Variants in FRMD4A observed in about 807,000 individuals in gnomAD.
The protein encoded by FRMD4A is FERM domain containing 4A.
A neutral mutation model predicts 129.1 loss-of-function variants in FRMD4A; 29 were observed. That is an observed-to-expected ratio of 0.22 (90% CI 0.17 to 0.31). The LOEUF is 0.31. Among genes scored for constraint, FRMD4A ranks in the 10% least tolerant of loss-of-function variants. FRMD4A has a pLI of 1.00. For synonymous variants in FRMD4A, 634 were observed against 571.6 expected (o/e 1.11, Z -1.56); for missense variants, 1,272 against 1,375.8 (o/e 0.92, Z 1.19).
At chr10:13,969,215 G>A (rs1041117811) in intron 2 of FRMD4A, among the ~76,000 whole-genome samples, 2 of 152,192 alleles carry the variant, frequency 1.3e-5, no homozygotes, top group Non-Finnish European at 2.9e-5. Context: ...GTTTAGACTT[G>A]CCATCCTGGC....
chr10:13,980,816 G>A (rs903793777), intron 2 of FRMD4A, among the ~76,000 whole-genome samples: 2 of 152,116 alleles, frequency 1.3e-5, no homozygotes, highest in East Asian at 3.8e-4. Context: ...CCAGACCAAC[G>A]ATAGTAGAAA....
intron 2 of FRMD4A, among the ~76,000 whole-genome samples, chr10:14,216,195 C>T (rs546035515): frequency 6.6e-6 from 1 of 152,264 alleles, no homozygotes; most frequent in East Asian, 1.9e-4. Context: ...TGTGACTCAC[C>T]CCATCCTCAC....
At chr10:13,803,597 C>T (rs966861230) in intron 4 of FRMD4A, among the ~76,000 whole-genome samples, 4 of 152,084 alleles carry the variant, frequency 2.6e-5, no homozygotes, top group Admixed American at 6.6e-5. Flanking sequence ...CTCAGCCTCC[C>T]AAAGCACTGG....
At chr10:13,679,560 T>C (rs1271370048) in intron 15 of FRMD4A, among the ~76,000 whole-genome samples, 2 of 142,914 alleles carry the variant, frequency 1.4e-5, no homozygotes, top group Admixed American at 1.4e-4. Context: ...AGCTAGGTCT[T>C]TGGGGCAGCT....
At chr10:13,845,482 T>C (rs959165414) in intron 3 of FRMD4A, among the ~76,000 whole-genome samples, 1 of 152,204 alleles carries the variant, frequency 6.6e-6, no homozygotes, top group African/African-American at 2.4e-5. Flanking sequence ...TTAGGGATAA[T>C]AGCACCATAA....
intron 2 of FRMD4A, among the ~76,000 whole-genome samples, chr10:14,265,674 A>C (rs28645432): frequency 0.11 from 17,216 of 152,260 alleles, 1,097 homozygotes; most frequent in African/African-American, 0.18. Context: ...CCCATGTATC[A>C]ACATGAGAAG....
chr10:14,114,327 G>C (rs1056736931), intron 2 of FRMD4A, among the ~76,000 whole-genome samples: 1 of 152,118 alleles, frequency 6.6e-6, no homozygotes, highest in African/African-American at 2.4e-5. Context: ...TGAGCCAGCT[G>C]GGGTCCCAGG....
At chr10:13,769,243 A>C (rs1031940652) in intron 6 of FRMD4A, among the ~76,000 whole-genome samples, 1 of 145,000 alleles carries the variant, frequency 6.9e-6, no homozygotes. Flanking sequence ...GTGTGTGCGT[A>C]TGTGTGTGTA....
rs75913254 is a variant in FRMD4A at position 14,173,947 on chromosome 10, C to T, written c.45+156111G>A. On this transcript the variant is annotated intron_variant, in intron 2 of 24. Coordinates refer to ENST00000357447, the MANE Select transcript of FRMD4A (RefSeq NM_018027.5). ...GACAAAAGCTCCGTGAGCCTCCTCCCATGCACAGAGCCTTTTCTGTCCCTC... is the reference window on the plus strand; with the variant it reads ...GACAAAAGCTCCGTGAGCCTCCTCCTATGCACAGAGCCTTTTCTGTCCCTC... Among the ~76,000 whole-genome samples, 1,168 of 152,134 alleles carry T rather than the reference C, an allele frequency of 7.7e-3. 4 individuals carry two copies. Among genetic ancestry groups the T allele is most frequent in the Non-Finnish European group, 0.012 (817 of 68,000 alleles).
At chr10:14,052,540 G>A (rs1834309337) in intron 2 of FRMD4A, among the ~76,000 whole-genome samples, 1 of 151,976 alleles carries the variant, frequency 6.6e-6, no homozygotes, top group African/African-American at 2.4e-5. Flanking sequence ...CAAGAGAGTG[G>A]GGAGGAGGTG....
chr10:13,997,454 C>T (rs1382411680), intron 2 of FRMD4A, among the ~76,000 whole-genome samples: 1 of 152,074 alleles, frequency 6.6e-6, no homozygotes, highest in Admixed American at 6.6e-5. Context: ...CTTTTCTCTA[C>T]CCCACTGTGC....
intron 2 of FRMD4A, chr10:14,074,213 G>A (rs1303509573): frequency 6.6e-6 from 1 of 152,350 alleles, no homozygotes; most frequent in African/African-American, 2.4e-5. Flanking sequence ...ACAGAATGGG[G>A]TTTCCATGGA....
chr10:13,772,597 G>T (rs761342196), intron 6 of FRMD4A, among the ~76,000 whole-genome samples: 26 of 152,156 alleles, frequency 1.7e-4, no homozygotes, highest in Non-Finnish European at 3.1e-4. Context: ...GTGTCCTATA[G>T]TTCACCTGGT....
At chr10:13,990,471 G>T (rs1010746247) in intron 2 of FRMD4A, among the ~76,000 whole-genome samples, 9 of 152,214 alleles carry the variant, frequency 5.9e-5, no homozygotes, top group Non-Finnish European at 1.3e-4. Context: ...CTTCCTTGTG[G>T]AGCATGTCTG....
At position 13,643,990 on chromosome 10, in the gene FRMD4A, C is replaced by A. The variant is rs1043648; in HGVS notation, c.*3048G>T. The A allele has an allele frequency of 0.26, 39,781 of 152,440 alleles. 5,643 individuals carry two copies. Among genetic ancestry groups the A allele is most frequent in the East Asian group, 0.6 (3,075 of 5,154 alleles). 9.4% of individuals were successfully genotyped at this position (152,440 alleles called of 1,614,324 possible). ...TACACAACTTGTAATAAACTATTGA[C>A]ATTAATGTATATGTAAAACTTTACA... On this transcript the variant is annotated 3_prime_UTR_variant, in exon 25 of 25. Coordinates refer to ENST00000357447, the MANE Select transcript of FRMD4A (RefSeq NM_018027.5).
intron 2 of FRMD4A, among the ~76,000 whole-genome samples, chr10:13,983,444 T>C (rs748764298): frequency 1.4e-4 from 22 of 152,174 alleles, no homozygotes; most frequent in Non-Finnish European, 3.2e-4. Context: ...TGAAAATCTA[T>C]AAGGACAATG....
chr10:14,127,921 TC>T (rs1838940000), intron 2 of FRMD4A, among the ~76,000 whole-genome samples: 1 of 3,640 alleles, frequency 2.7e-4, no homozygotes. Context: ...TTTCTTTCTT[TC>T]TTTCTTTCTT....
At chr10:14,059,459 C>T (rs557147876) in intron 2 of FRMD4A, among the ~76,000 whole-genome samples, 1 of 138,272 alleles carries the variant, frequency 7.2e-6, no homozygotes, top group South Asian at 2.3e-4. Flanking sequence ...TGTCAGAGAG[C>T]CCTCTCTCTT....
At chr10:13,667,748 G>A (rs2083176476) in intron 17 of FRMD4A, 1 of 152,214 alleles carries the variant, frequency 6.6e-6, no homozygotes, top group Admixed American at 6.5e-5. Context: ...ACAGCACCTT[G>A]TCGGTTGAGA....
Sources: gnomAD v4.1 joint callset for allele counts (sites outside exome capture counted in the v4.1 genomes callset) on GRCh38, gnomAD v4.1.1 for gene constraint, MANE v1.5 for transcripts, NCBI Gene and HGNC (gene_info 2026-07-23, HGNC 2026-07-21) for gene names.